The following ARL13B variants were observed in gnomAD, a reference collection of about 807,000 sequenced individuals.
The protein encoded by ARL13B is ADP-ribosylation factor-like protein 13B.
In ARL13B, 36 loss-of-function variants were observed where a neutral mutation model predicts 56.1. The observed-to-expected ratio is 0.64, with a 90% confidence interval of 0.49 to 0.85. The LOEUF is 0.85. Ranked by LOEUF, ARL13B falls within the 40% of genes least tolerant of loss-of-function variation. The pLI is 0.00. For missense variants in ARL13B, 519 were observed against 507.1 expected, an observed-to-expected ratio of 1.02 and a Z score of -0.23; for synonymous variants, 178 against 171.1, an observed-to-expected ratio of 1.04 and a Z score of -0.32.
At chr3:94,038,062 T>C (rs573163396) in intron 5 of ARL13B, among the ~76,000 whole-genome samples, 2 of 152,302 alleles carry the variant, frequency 1.3e-5, no homozygotes, top group South Asian at 2.1e-4. Flanking sequence ...CCAATCTAAT[T>C]GGTTCAGATA....
chr3:94,043,267 T>A (rs112157674), intron 7 of ARL13B, 27 bp downstream of exon 7: 51 of 1,562,946 alleles, frequency 3.3e-5, no homozygotes, highest in Non-Finnish European at 3.9e-5. Flanking sequence ...TTTAAAGTAA[T>A]TATCTTATGT....
chr3:94,040,023 A>T (rs1341066173), intron 6 of ARL13B, 35 bp downstream of exon 6: 1 of 1,581,926 alleles, frequency 6.3e-7, no homozygotes. Context: ...TTTGTATCTT[A>T]AGTTATAAGT....
intron 1 of ARL13B, among the ~76,000 whole-genome samples, chr3:93,986,154 T>A (rs569150820): frequency 1.8e-4 from 27 of 152,308 alleles, no homozygotes; most frequent in African/African-American, 6.3e-4. Flanking sequence ...TTATGCATAG[T>A]AAGAATTTTA....
chr3:94,029,337 TATTTTTTTTTTA>T (rs1559997755), intron 3 of ARL13B, among the ~76,000 whole-genome samples: 3 of 75,488 alleles, frequency 4.0e-5, no homozygotes, highest in East Asian at 6.3e-4. Flanking sequence ...TATATATATT[TATTTTTTTTTTA>T]TTTTTTTTTT....
Position 94,036,560 on chromosome 3 carries a change from T to G in ARL13B, c.495T>G (p.Cys165Trp). The change falls in exon 5 of 10, where the codon TGT becomes TGG. Residue 165 changes from cysteine (C) to tryptophan (W), a missense_variant. Physicochemically the swap from Cys to Trp is radical, Grantham distance 215. Coordinates refer to ENST00000394222, the MANE Select transcript of ARL13B (RefSeq NM_001174150.2). ...ATAAATTTCTGTTTTAGGAACCATG[T>G]TCAGCAATCTCGGGGTATGGAAAGA... The part of the protein sequence containing the change: ...EHKCLCQIEP[C>W]SAISGYGKKI... 1 of 1,614,098 alleles carries G rather than the reference T, an allele frequency of 6.2e-7. No individual in the cohort carries two copies. Among genetic ancestry groups the G allele is most frequent in the Non-Finnish European group, 8.5e-7 (1 of 1,180,000 alleles).
At chr3:94,045,153 C>A (rs1487620251) in intron 7 of ARL13B, among the ~76,000 whole-genome samples, 1 of 152,060 alleles carries the variant, frequency 6.6e-6, no homozygotes, top group African/African-American at 2.4e-5. Context: ...TACCCCCAAC[C>A]CTGTGCTCTC....
In ARL13B at chr3:94,046,259, A is replaced by G. The variant is rs74490284; in HGVS notation, c.1024+3019A>G. Among the ~76,000 whole-genome samples, 720 of 152,286 alleles carry G rather than the reference A, an allele frequency of 4.7e-3. 5 individuals are homozygous for G. The highest frequency in any genetic ancestry group is 0.012 in the African/African-American group (490 of 41,580). Reference sequence around the variant, plus strand: ...CCCCAAAAGTTTCTTCATGTCCTTTAGTAATCCCTTCTTTCCTCCCCTCTC... The same window carrying G: ...CCCCAAAAGTTTCTTCATGTCCTTTGGTAATCCCTTCTTTCCTCCCCTCTC... On this transcript the variant is annotated intron_variant, in intron 7 of 9. Coordinates refer to ENST00000394222, the MANE Select transcript of ARL13B (RefSeq NM_001174150.2).
At chr3:93,990,057 T>C (rs2075842185) in intron 1 of ARL13B, among the ~76,000 whole-genome samples, 1 of 152,154 alleles carries the variant, frequency 6.6e-6, no homozygotes, top group Non-Finnish European at 1.5e-5. Context: ...CAGGCTGGAG[T>C]GCAATGGCAC....
Position 94,055,547 on chromosome 3 carries a change from T to C in ARL13B, c.*2284T>C, listed in dbSNP as rs2077129874. The C allele has an allele frequency of 2.2e-6, 1 of 453,992 alleles. No homozygotes were observed. Among genetic ancestry groups the C allele is most frequent in the Non-Finnish European group, 4.4e-6 (1 of 226,682 alleles). 28.1% of individuals were successfully genotyped at this position (453,992 alleles called of 1,614,324 possible). A position where few individuals can be genotyped will look rare whatever the true frequency, so the allele number is the denominator to read the frequency against. On this transcript the variant is annotated 3_prime_UTR_variant, in exon 10 of 10. Coordinates refer to ENST00000394222, the MANE Select transcript of ARL13B (RefSeq NM_001174150.2). Reference sequence around the variant, plus strand: ...GATGTCTGTCTTGCGTTAAAGCTGTTGGTCAACAGATATGTTTTTATGTAT... The same window carrying C: ...GATGTCTGTCTTGCGTTAAAGCTGTCGGTCAACAGATATGTTTTTATGTAT...
In ARL13B at chr3:94,036,719, A is replaced by T. The variant is rs772586678; in HGVS notation, c.654A>T (p.Glu218Asp). The T allele has an allele frequency of 3.1e-6, 5 of 1,613,844 alleles. No homozygotes were observed. In the South Asian group the frequency reaches 5.5e-5, roughly 18 times the overall value. ...QRALEEQEKQ[E>D]RAERVRKLRE... ...CTCTTGAGGAACAAGAGAAACAAGA[A>T]AGAGCTGAACGAGTGCGAAAATTAC... Residue 218 changes from glutamate (E) to aspartate (D), a missense_variant, in exon 5 of 10, where the codon GAA (glutamate) becomes GAT (aspartate). By Grantham distance (45) the Glu-to-Asp change is conservative. Transcript: ENST00000394222.
At chr3:93,984,832 C>A (rs1412189880) in intron 1 of ARL13B, among the ~76,000 whole-genome samples, 1 of 151,982 alleles carries the variant, frequency 6.6e-6, no homozygotes, top group Non-Finnish European at 1.5e-5. Context: ...TATAGTGAGA[C>A]CCCATCCGTA....
intron 1 of ARL13B, among the ~76,000 whole-genome samples, chr3:93,993,626 G>C (rs1190478525): frequency 6.6e-6 from 1 of 152,104 alleles, no homozygotes; most frequent in Non-Finnish European, 1.5e-5. Context: ...ATCTTCTCTG[G>C]ATAGTCATTT....
chr3:94,043,126 G>A lies in ARL13B; in HGVS notation c.910G>A (p.Val304Ile), dbSNP rs1481975288. 1.1e-5 allele frequency: 18 copies of A among 1,613,548 alleles called. No homozygotes were observed. The East Asian group carries it at 3.6e-4, about 32-fold the overall frequency. ...EHEQIETQGQ[V>I]NHNGQKNNEF... ...TGAGCAAATAGAGACACAAGGCCAG[G>A]TTAATCACAATGGCCAAAAAAATAA... The change falls in exon 7 of 10, where the codon GTT becomes ATT. Residue 304 changes from valine to isoleucine, a missense_variant. Transcript: ENST00000394222.
chr3:94,030,825 A>T (rs1335655174), intron 3 of ARL13B, among the ~76,000 whole-genome samples: 1 of 152,138 alleles, frequency 6.6e-6, no homozygotes, highest in East Asian at 1.9e-4. Flanking sequence ...ATATAGTTGG[A>T]TAAAACAAAT....
Position 94,055,566 on chromosome 3 carries a change from T to C in ARL13B, c.*2303T>C, listed in dbSNP as rs1560023160. 8.8e-6 allele frequency: 4 copies of C among 453,972 alleles called. No homozygotes were observed. The highest frequency in any genetic ancestry group is 1.8e-5 in the Non-Finnish European group (4 of 226,688). 28.1% of individuals were successfully genotyped at this position (453,972 alleles called of 1,614,324 possible). On this transcript the variant is annotated 3_prime_UTR_variant, in exon 10 of 10. Transcript: ENST00000394222. ...AGCTGTTGGTCAACAGATATGTTTT[T>C]ATGTATTTAAAAGAGGCTCTTGTGT...
At chr3:94,002,517 G>T (rs570662347) in intron 2 of ARL13B, among the ~76,000 whole-genome samples, 66 of 152,268 alleles carry the variant, frequency 4.3e-4, no homozygotes, top group Admixed American at 1.6e-3. Context: ...TTTTCTGTGG[G>T]ATAATATTTA....
rs947505057 is a variant in ARL13B, at chr3:94,054,380, G to T, written c.*1117G>T. The T allele has an allele frequency of 4.8e-6, 2 of 418,338 alleles. No homozygotes were observed. Among genetic ancestry groups the T allele is most frequent in the Non-Finnish European group, 9.5e-6 (2 of 211,468 alleles). 25.9% of individuals were successfully genotyped at this position (418,338 alleles called of 1,614,324 possible). A position where few individuals can be genotyped will look rare whatever the true frequency, so the allele number is the denominator to read the frequency against. On this transcript the variant is annotated 3_prime_UTR_variant, in exon 10 of 10. Transcript: ENST00000394222. ...AATTTAAAATGATAGCACTTCTCTT[G>T]CACTTAAGAATGGCATCCATAAGAT...
At chr3:93,981,131 T>C (rs570450780) in intron 1 of ARL13B, among the ~76,000 whole-genome samples, 55 of 152,370 alleles carry the variant, frequency 3.6e-4, no homozygotes. Context: ...AACATTTCAT[T>C]TTGAAATGCT....
At chr3:94,044,835 G>A (rs1355954351) in intron 7 of ARL13B, among the ~76,000 whole-genome samples, 1 of 149,614 alleles carries the variant, frequency 6.7e-6, no homozygotes, top group African/African-American at 2.5e-5. Flanking sequence ...GCCTCTGCCC[G>A]GCCGCCCCGT....
Sources: gnomAD v4.1 joint callset for allele counts (sites outside exome capture counted in the v4.1 genomes callset) on GRCh38, gnomAD v4.1.1 for gene constraint, MANE v1.5 for transcripts, NCBI Gene and HGNC (gene_info 2026-07-23, HGNC 2026-07-21) for gene names.